TRPC3: variants seen among roughly 807,000 people sequenced by gnomAD.
TRPC3 encodes the protein short transient receptor potential channel 3.
TRPC3 carries 54 observed loss-of-function variants against 90.9 expected under a neutral mutation model. That is an observed-to-expected ratio of 0.59 (90% CI 0.48 to 0.75). The LOEUF (loss-of-function observed/expected upper bound fraction) is 0.75, where lower values mean the gene tolerates loss of function less well. TRPC3 is among the 30% of genes least tolerant of loss of function. The pLI is 0.00. For synonymous variants in TRPC3, 424 were observed against 450.9 expected (o/e 0.94, Z 0.75); for missense variants, 918 against 1,194.5 (o/e 0.77, Z 3.41).
chr4:121,881,884 T>C (rs1254485230), intron 11 of TRPC3, among the ~76,000 whole-genome samples: 1 of 151,984 alleles, frequency 6.6e-6, no homozygotes, highest in African/African-American at 2.4e-5. Flanking sequence ...GGGGGGAAAG[T>C]GAAATTCAAA....
At chr4:121,883,054 A>G (rs1195202660) in intron 10 of TRPC3, among the ~76,000 whole-genome samples, 2 of 152,088 alleles carry the variant, frequency 1.3e-5, no homozygotes, top group Non-Finnish European at 2.9e-5. Context: ...TTTCAGTCTA[A>G]ATAAATGCTC....
intron 1 of TRPC3, among the ~76,000 whole-genome samples, chr4:121,950,339 C>A (rs1415600695): frequency 6.6e-6 from 1 of 152,216 alleles, no homozygotes; most frequent in Non-Finnish European, 1.5e-5. Context: ...GGGCGGTGGG[C>A]CTCTCGCCGG....
Position 121,877,494 on chromosome 4 carries a change from GCTT to G in TRPC3, c.*2239_*2241del, listed in dbSNP as rs1302444154. 6.6e-6 allele frequency among the ~76,000 whole-genome samples: 1 copy of G among 152,080 alleles called. No individual in the cohort carries two copies. The highest frequency in any genetic ancestry group is 6.6e-5 in the Admixed American group (1 of 15,256). ...GCGGAGGCATCACATCCCGAGCAAG[GCTT>G]CTTCTTTTTAGCTGAGGGCAATTCT... On this transcript the variant is annotated 3_prime_UTR_variant, in exon 12 of 12. Coordinates refer to ENST00000379645, the MANE Select transcript of TRPC3 (RefSeq NM_001130698.2).
At chr4:121,910,008 A>G (rs571193413) in intron 6 of TRPC3, 146 bp downstream of exon 6, 3 of 651,848 alleles carry the variant, frequency 4.6e-6, no homozygotes, top group Admixed American at 2.9e-5. Context: ...CCAGTTTTGT[A>G]GGTTCCAAAG....
intron 1 of TRPC3, among the ~76,000 whole-genome samples, chr4:121,945,972 C>A (rs1433290754): frequency 6.6e-6 from 1 of 151,958 alleles, no homozygotes; most frequent in Admixed American, 6.6e-5. Flanking sequence ...AAAATATAAT[C>A]ACTAAAATGG....
At chr4:121,933,545 G>A (rs1027239904) in intron 1 of TRPC3, 3 of 152,228 alleles carry the variant, frequency 2.0e-5, no homozygotes, top group Admixed American at 2.0e-4. Flanking sequence ...CCCTACAAAA[G>A]CACAGGATTT....
At chr4:121,912,190 A>C in intron 4 of TRPC3, 97 bp from the exon 5 acceptor site, 12 of 1,021,584 alleles carry the variant, frequency 1.2e-5, no homozygotes, top group Non-Finnish European at 1.7e-5. Context: ...TGAAAGGAGA[A>C]CACTCAAAAT....
At chr4:121,923,664 C>T (rs12644087) in intron 3 of TRPC3, among the ~76,000 whole-genome samples, 3,753 of 152,288 alleles carry the variant, frequency 0.025, 175 homozygotes, top group East Asian at 0.21. Flanking sequence ...CTATTGTCTT[C>T]ACTTTACTAG....
chr4:121,919,589 T>C (rs138399541), intron 3 of TRPC3, among the ~76,000 whole-genome samples: 2 of 152,316 alleles, frequency 1.3e-5, no homozygotes, highest in Non-Finnish European at 2.9e-5. Context: ...AGCACACCCG[T>C]TCCAACGTCT....
chr4:121,951,794 C>CG lies in TRPC3; in HGVS notation c.-115dup, dbSNP rs1247218220. The CG allele has an allele frequency of 2.3e-6, 2 of 886,728 alleles. No homozygotes were observed. 54.9% of individuals were successfully genotyped at this position (886,728 alleles called of 1,614,324 possible). A position where few individuals can be genotyped will look rare whatever the true frequency, so the allele number is the denominator to read the frequency against. ...CCACCTCCCGCGGCTTCCGGGGCCC[C>CG]GGGCGGCCCAGGGCGGGAAGGCAGG... On this transcript the variant is annotated 5_prime_UTR_variant, in exon 1 of 12. Transcript: ENST00000379645. This position sits in a 1 kb window ranked among gnomAD's most constrained non-coding sequence, Gnocchi z 4.4.
intron 1 of TRPC3, chr4:121,933,303 G>T (rs142604785): frequency 1.9e-6 from 1 of 528,330 alleles, no homozygotes; most frequent in Non-Finnish European, 2.8e-6. Flanking sequence ...TATTCAGATG[G>T]AATAATAATA....
intron 7 of TRPC3, among the ~76,000 whole-genome samples, chr4:121,905,356 T>C: frequency 6.6e-6 from 1 of 152,058 alleles, no homozygotes; most frequent in East Asian, 1.9e-4. Context: ...ACACATTACC[T>C]ACCTAGAAAT....
At position 121,951,779 on chromosome 4, in the gene TRPC3, C is replaced by T. The variant is rs1730778505; in HGVS notation, c.-99G>A. The T allele has an allele frequency of 5.7e-6, 6 of 1,054,232 alleles. No homozygotes were observed. In the South Asian group the frequency reaches 1.4e-4, roughly 25 times the overall value. The allele number at this position is 1,054,232 out of a possible 1,614,324, so 65.3% of individuals were successfully genotyped here. On this transcript the variant is annotated 5_prime_UTR_variant, in exon 1 of 12. Coordinates refer to ENST00000379645, the MANE Select transcript of TRPC3 (RefSeq NM_001130698.2). The surrounding 1 kb of genome is among the most constrained non-coding windows in gnomAD (Gnocchi z 4.4). ...CGCGGCGCCCCTTCACCACCTCCCG[C>T]GGCTTCCGGGGCCCCGGGCGGCCCA... is the stretch of plus-strand genomic sequence containing the variant.
At chr4:121,898,705 G>A (rs1348252913) in intron 10 of TRPC3, among the ~76,000 whole-genome samples, 2 of 152,118 alleles carry the variant, frequency 1.3e-5, no homozygotes, top group Non-Finnish European at 2.9e-5. Flanking sequence ...AATGATAGAT[G>A]TCTGAGATGA....
chr4:121,948,432 TCTCAGCCTGGACAG>T (rs1393326565), intron 1 of TRPC3, among the ~76,000 whole-genome samples: 7 of 151,984 alleles, frequency 4.6e-5, no homozygotes, highest in Non-Finnish European at 1.0e-4. Context: ...CAGAGTCTAA[TCTCAGCCTGGACAG>T]TTACAGTCAT....
chr4:121,949,545 G>A (rs1194511838), intron 1 of TRPC3, among the ~76,000 whole-genome samples: 2 of 152,100 alleles, frequency 1.3e-5, no homozygotes, highest in Non-Finnish European at 2.9e-5. Context: ...TGAAACAGTG[G>A]CCGGATTCTC....
chr4:121,920,541 A>C (rs13117282), intron 3 of TRPC3, among the ~76,000 whole-genome samples: 38,145 of 152,054 alleles, frequency 0.25, 5,842 homozygotes, highest in East Asian at 0.4. Context: ...AGAAAAAAAA[A>C]CAGATTTTAG....
In TRPC3 at chr4:121,876,640, A is replaced by G. The variant is rs997245558; in HGVS notation, c.*3096T>C. Among the ~76,000 whole-genome samples, 37 of 152,226 alleles carry G rather than the reference A, an allele frequency of 2.4e-4. No individual in the cohort carries two copies. The highest frequency in any genetic ancestry group is 8.0e-4 in the African/African-American group (33 of 41,460). ...AAATTGTACCAAATTTGCTTTTAAT[A>G]ATCACAACATATCATTTTTGTTTTT... is the stretch of plus-strand genomic sequence containing the variant. On this transcript the variant is annotated 3_prime_UTR_variant, in exon 12 of 12. Coordinates refer to ENST00000379645, the MANE Select transcript of TRPC3 (RefSeq NM_001130698.2).
In TRPC3 at chr4:121,943,411, ATC is replaced by A. The variant is rs1320468135; in HGVS notation, c.215+8053_215+8054del. On this transcript the variant is annotated intron_variant, in intron 1 of 11. Coordinates refer to ENST00000379645, the MANE Select transcript of TRPC3 (RefSeq NM_001130698.2). ...CACAAAAGTATTTGGTGCATTCTCT[ATC>A]TCTTGATTTTGATTTTACATAGTTA... 3.9e-5 allele frequency among the ~76,000 whole-genome samples: 6 copies of A among 152,222 alleles called. No individual in the cohort carries two copies. The East Asian group carries it at 1.2e-3, about 29-fold the overall frequency.
Sources: gnomAD v4.1 joint callset for allele counts (sites outside exome capture counted in the v4.1 genomes callset) on GRCh38, gnomAD v4.1.1 for gene constraint, Gnocchi (gnomAD v3.1) non-coding constraint, MANE v1.5 for transcripts, NCBI Gene and HGNC (gene_info 2026-07-23, HGNC 2026-07-21) for gene names.